The following RORB variants were observed in gnomAD, a reference collection of about 807,000 sequenced individuals.
The protein encoded by RORB is RAR related orphan receptor B, also known as nuclear receptor ROR-beta.
RORB carries 6 observed loss-of-function variants against 59.1 expected under a neutral mutation model. That is an observed-to-expected ratio of 0.10 (90% confidence interval 0.06 to 0.20). RORB has a LOEUF of 0.20. RORB is among the 10% of genes least tolerant of loss of function. The pLI, the probability that RORB is intolerant of heterozygous loss-of-function variation, is 1.00. For missense variants in RORB, 320 were observed against 560.5 expected, an observed-to-expected ratio of 0.57 and a Z score of 4.33; for synonymous variants, 215 against 204.5, an observed-to-expected ratio of 1.05 and a Z score of -0.44.
chr9:74,561,231 T>A (rs1822392898), intron 1 of RORB, among the ~76,000 whole-genome samples: 1 of 152,156 alleles, frequency 6.6e-6, no homozygotes, highest in South Asian at 2.1e-4. Flanking sequence ...TTCAGCTCAT[T>A]AAATAATCAT....
intron 6 of RORB, 83 bp downstream of exon 6, chr9:74,662,689 C>T: frequency 1.4e-6 from 2 of 1,432,182 alleles, no homozygotes; most frequent in East Asian, 2.3e-5. Context: ...AGAAAATCCT[C>T]CTTCCGATAT....
intron 3 of RORB, among the ~76,000 whole-genome samples, chr9:74,639,488 G>T (rs1823758666): frequency 6.6e-6 from 1 of 151,494 alleles, no homozygotes; most frequent in Non-Finnish European, 1.5e-5. Flanking sequence ...GAAATCTAAA[G>T]CAAGGATTAA....
intron 1 of RORB, among the ~76,000 whole-genome samples, chr9:74,591,113 G>T (rs1384912171): frequency 6.6e-6 from 1 of 152,134 alleles, no homozygotes; most frequent in Admixed American, 6.5e-5. Context: ...TATTTTAAAA[G>T]AAGTTTCAGA....
intron 2 of RORB, among the ~76,000 whole-genome samples, chr9:74,632,373 C>T (rs1259561743): frequency 6.6e-6 from 1 of 152,058 alleles, no homozygotes; most frequent in Non-Finnish European, 1.5e-5. Flanking sequence ...TGTAAATATG[C>T]TACTTTTTTC....
At chr9:74,553,985 A>T (rs559247449) in intron 1 of RORB, among the ~76,000 whole-genome samples, 8 of 152,108 alleles carry the variant, frequency 5.3e-5, no homozygotes, top group Non-Finnish European at 1.2e-4. Context: ...CGTCAGCATC[A>T]CCTGGGAAAT....
Position 74,549,623 on chromosome 9 carries a change from AGG to A in RORB, c.7+51641_7+51642del, listed in dbSNP as rs1366766355. Among the ~76,000 whole-genome samples the A allele has an allele frequency of 1.1e-3, 123 of 112,430 alleles. 2 individuals are homozygous for A. The highest frequency in any genetic ancestry group is 3.8e-3 in the African/African-American group (117 of 30,780). 73.8% of individuals were successfully genotyped at this position (112,430 alleles called of 152,430 possible). ...AAGGAAGGAAGAAAGGAAGGAAGGAAGGAAGAAAGGAAAGAAAGAAAGAAAGA... is the reference window on the plus strand; with the variant it reads ...AAGGAAGGAAGAAAGGAAGGAAGGAAAAGAAAGGAAAGAAAGAAAGAAAGA... On this transcript the variant is annotated intron_variant, in intron 1 of 9. Transcript: ENST00000376896.
intron 5 of RORB, among the ~76,000 whole-genome samples, chr9:74,661,619 C>T (rs1262550207): frequency 2.7e-5 from 4 of 146,942 alleles, no homozygotes; most frequent in Middle Eastern, 3.6e-3. Flanking sequence ...TGCCTTTTTC[C>T]TCGGAATTCT....
At chr9:74,507,297 T>G (rs1235215177) in intron 1 of RORB, among the ~76,000 whole-genome samples, 1 of 152,136 alleles carries the variant, frequency 6.6e-6, no homozygotes, top group Non-Finnish European at 1.5e-5. Flanking sequence ...AGTAAACTGC[T>G]ATTTTGGTTT....
At chr9:74,638,288 G>T (rs931147194) in intron 3 of RORB, among the ~76,000 whole-genome samples, 1 of 152,160 alleles carries the variant, frequency 6.6e-6, no homozygotes, top group Non-Finnish European at 1.5e-5. Context: ...TTACTTTTTA[G>T]TTATATCCAA....
At chr9:74,632,339 A>T (rs920619087) in intron 2 of RORB, among the ~76,000 whole-genome samples, 1 of 152,126 alleles carries the variant, frequency 6.6e-6, no homozygotes, top group Non-Finnish European at 1.5e-5. Flanking sequence ...CTATTTTTTT[A>T]AATTCATGGA....
At chr9:74,652,298 G>C (rs1223898443) in intron 4 of RORB, among the ~76,000 whole-genome samples, 2 of 152,014 alleles carry the variant, frequency 1.3e-5, no homozygotes, top group Non-Finnish European at 2.9e-5. Context: ...GTCCCAGCTA[G>C]TTGCACGACT....
intron 3 of RORB, among the ~76,000 whole-genome samples, chr9:74,641,864 G>T (rs1423207380): frequency 6.6e-6 from 1 of 152,124 alleles, no homozygotes; most frequent in Non-Finnish European, 1.5e-5. Flanking sequence ...CTATGATCAT[G>T]CCACTGCACT....
chr9:74,600,829 G>T (rs1823043574), intron 1 of RORB, among the ~76,000 whole-genome samples: 1 of 152,064 alleles, frequency 6.6e-6, no homozygotes, highest in Non-Finnish European at 1.5e-5. Context: ...AAAATTATGG[G>T]AAATCTACAG....
chr9:74,663,345 T>A (rs1824220083), intron 6 of RORB, among the ~76,000 whole-genome samples: 1 of 152,194 alleles, frequency 6.6e-6, no homozygotes, highest in South Asian at 2.1e-4. Context: ...AGTAATCTTG[T>A]GAGATCCATA....
intron 1 of RORB, among the ~76,000 whole-genome samples, chr9:74,594,693 T>A (rs1439854723): frequency 6.6e-6 from 1 of 152,130 alleles, no homozygotes; most frequent in Non-Finnish European, 1.5e-5. Flanking sequence ...CTTCTTTACA[T>A]CTCTGGCTGC....
At chr9:74,594,528 A>C (rs555914052) in intron 1 of RORB, among the ~76,000 whole-genome samples, 1 of 152,374 alleles carries the variant, frequency 6.6e-6, no homozygotes, top group East Asian at 1.9e-4. Context: ...AGTATACTTA[A>C]TACAATTTTT....
intron 4 of RORB, among the ~76,000 whole-genome samples, chr9:74,655,671 G>A (rs904829816): frequency 1.3e-5 from 2 of 152,118 alleles, no homozygotes; most frequent in African/African-American, 4.8e-5. Context: ...TGTATTCATT[G>A]TCTCTCCTTT....
intron 1 of RORB, among the ~76,000 whole-genome samples, chr9:74,551,192 C>G (rs1826602903): frequency 6.6e-6 from 1 of 152,196 alleles, no homozygotes; most frequent in East Asian, 1.9e-4. Flanking sequence ...CCAAGACCAT[C>G]AGTGGATTTC....
chr9:74,574,640 T>G (rs944137695), intron 1 of RORB, among the ~76,000 whole-genome samples: 5 of 152,102 alleles, frequency 3.3e-5, no homozygotes, highest in African/African-American at 1.2e-4. Flanking sequence ...GAGTCAGAAT[T>G]GGGCACAGAC....
Sources: allele counts gnomAD v4.1 joint callset (sites outside exome capture counted in the v4.1 genomes callset), GRCh38; gene constraint gnomAD v4.1.1; transcripts MANE v1.5; gene names NCBI Gene and HGNC (gene_info 2026-07-23, HGNC 2026-07-21).